Variants in MECOM observed in about 807,000 individuals in gnomAD.
MECOM encodes histone-lysine N-methyltransferase MECOM.
In MECOM, 13 loss-of-function variants were observed where a neutral mutation model predicts 116.3. The ratio of observed to expected loss-of-function variants is 0.11; its 90% CI spans 0.07 to 0.18. The LOEUF (loss-of-function observed/expected upper bound fraction) is 0.18, where lower values mean the gene tolerates loss of function less well. Among genes scored for constraint, MECOM ranks in the 10% least tolerant of loss-of-function variants. MECOM has a pLI of 1.00. For missense variants in MECOM, 1,299 were observed against 1,509.0 expected (o/e 0.86, Z 2.31); for synonymous variants, 528 against 535.2 (o/e 0.99, Z 0.19).
At position 169,084,686 on chromosome 3, in the gene MECOM, A is replaced by C; in HGVS notation, c.*223T>G. 2.1e-6 allele frequency: 1 copy of C among 475,304 alleles called. No homozygotes were observed. Among genetic ancestry groups the C allele is most frequent in the East Asian group, 3.4e-5 (1 of 29,778 alleles). 29.4% of individuals were successfully genotyped at this position (475,304 alleles called of 1,614,324 possible). On this transcript the variant is annotated 3_prime_UTR_variant, in exon 17 of 17. Coordinates refer to ENST00000651503, the MANE Select transcript of MECOM (RefSeq NM_004991.4). ...TAAGTCGCATTGATTGATCTTCCAG[A>C]AGTCAGCAGCTGCCTTTGCTGTGCA...
intron 2 of MECOM, among the ~76,000 whole-genome samples, chr3:169,314,145 C>G (rs1052461784): frequency 6.6e-6 from 1 of 152,228 alleles, no homozygotes; most frequent in Non-Finnish European, 1.5e-5. Context: ...GTCTTCTTCA[C>G]AAGGTCAGCT....
At chr3:169,295,008 CTTAGTT>C (rs887093682) in intron 2 of MECOM, among the ~76,000 whole-genome samples, 4 of 152,056 alleles carry the variant, frequency 2.6e-5, no homozygotes, top group Non-Finnish European at 4.4e-5. Context: ...TTTTCTATTG[CTTAGTT>C]TTCTTTATTT....
chr3:169,436,849 G>A (rs1578098114), intron 1 of MECOM, among the ~76,000 whole-genome samples: 2 of 151,930 alleles, frequency 1.3e-5, no homozygotes, highest in Admixed American at 6.6e-5. Flanking sequence ...AAGTTTTTAT[G>A]TTTTGACTAA....
At chr3:169,193,997 C>T (rs558693735) in intron 2 of MECOM, among the ~76,000 whole-genome samples, 2 of 152,068 alleles carry the variant, frequency 1.3e-5, no homozygotes, top group African/African-American at 4.8e-5. Context: ...AATACTAATA[C>T]TGTAATGACA....
intron 2 of MECOM, among the ~76,000 whole-genome samples, chr3:169,253,007 A>G (rs866045461): frequency 1.3e-5 from 2 of 152,194 alleles, no homozygotes; most frequent in Non-Finnish European, 2.9e-5. Context: ...ATATTTTTCT[A>G]TAAGATCCAT....
At chr3:169,547,646 C>T (rs1290618259) in intron 1 of MECOM, among the ~76,000 whole-genome samples, 1 of 152,080 alleles carries the variant, frequency 6.6e-6, no homozygotes, top group Non-Finnish European at 1.5e-5. Context: ...ATTCCCAGTA[C>T]CTGTGAATAT....
At chr3:169,346,205 G>A (rs1250724737) in intron 2 of MECOM, among the ~76,000 whole-genome samples, 1 of 152,012 alleles carries the variant, frequency 6.6e-6, no homozygotes, top group African/African-American at 2.4e-5. Flanking sequence ...GTAAAATCAG[G>A]ACTCTGCTTG....
At chr3:169,360,173 T>C (rs1727969744) in intron 2 of MECOM, among the ~76,000 whole-genome samples, 1 of 151,394 alleles carries the variant, frequency 6.6e-6, no homozygotes, top group Non-Finnish European at 1.5e-5. Context: ...GTTGGGCAGT[T>C]TGCCCTCCAT....
intron 2 of MECOM, among the ~76,000 whole-genome samples, chr3:169,237,612 A>C (rs1388326466): frequency 3.0e-4 from 8 of 26,982 alleles, no homozygotes; most frequent in Non-Finnish European, 5.0e-4. Context: ...CTCCATCACA[A>C]AAAAAAAAAA....
intron 1 of MECOM, among the ~76,000 whole-genome samples, chr3:169,549,602 G>A (rs780190291): frequency 2.0e-5 from 3 of 152,166 alleles, no homozygotes; most frequent in Admixed American, 2.0e-4. Context: ...GCCACAGCTT[G>A]CCCAGGATTT....
At chr3:169,096,852 C>T (rs1048025011) in intron 12 of MECOM, among the ~76,000 whole-genome samples, 7 of 152,066 alleles carry the variant, frequency 4.6e-5, no homozygotes, top group African/African-American at 1.7e-4. Flanking sequence ...TTTGATTTTT[C>T]CCCCTTAAAA....
intron 2 of MECOM, among the ~76,000 whole-genome samples, chr3:169,303,212 C>T (rs1717080480): frequency 6.6e-6 from 1 of 152,166 alleles, no homozygotes; most frequent in Non-Finnish European, 1.5e-5. Flanking sequence ...CATCAAAAGT[C>T]TAACTTCCCC....
intron 1 of MECOM, among the ~76,000 whole-genome samples, chr3:169,511,464 T>C (rs773471020): frequency 6.6e-6 from 1 of 152,188 alleles, no homozygotes; most frequent in Non-Finnish European, 1.5e-5. Flanking sequence ...TAAACCTTTT[T>C]TAAAAAGTAT....
intron 1 of MECOM, among the ~76,000 whole-genome samples, chr3:169,474,799 T>C (rs1750088968): frequency 7.0e-6 from 1 of 142,956 alleles, no homozygotes; most frequent in African/African-American, 2.7e-5. Context: ...AAGAGATAAC[T>C]GATATATATT....
chr3:169,226,611 A>T (rs1752756872), intron 2 of MECOM, among the ~76,000 whole-genome samples: 1 of 152,206 alleles, frequency 6.6e-6, no homozygotes, highest in South Asian at 2.1e-4. Context: ...TAAAACCAAC[A>T]CCATAACACG....
chr3:169,436,139 C>A (rs78635055), intron 1 of MECOM, among the ~76,000 whole-genome samples: 4,931 of 151,102 alleles, frequency 0.033, 196 homozygotes, highest in African/African-American at 0.092. Context: ...TTTGTATGCA[C>A]GTCTTTGTTT....
chr3:169,121,644 G>A (rs1465583143), intron 6 of MECOM, among the ~76,000 whole-genome samples: 2 of 151,946 alleles, frequency 1.3e-5, no homozygotes, highest in Non-Finnish European at 2.9e-5. Context: ...TTTCCCTAGG[G>A]CGTAAAATTC....
intron 2 of MECOM, among the ~76,000 whole-genome samples, chr3:169,215,391 A>C (rs1229497248): frequency 6.6e-6 from 1 of 152,110 alleles, no homozygotes; most frequent in East Asian, 1.9e-4. Context: ...TCCTTTTCTG[A>C]AATCCTCCAT....
chr3:169,436,549 C>T (rs551073123), intron 1 of MECOM, among the ~76,000 whole-genome samples: 1 of 152,090 alleles, frequency 6.6e-6, no homozygotes, highest in South Asian at 2.1e-4. Context: ...CGTGCCTGGC[C>T]CTAAATGGCT....
Sources: gnomAD v4.1 joint callset for allele counts (sites outside exome capture counted in the v4.1 genomes callset) on GRCh38, gnomAD v4.1.1 for gene constraint, MANE v1.5 for transcripts, NCBI Gene and HGNC (gene_info 2026-07-23, HGNC 2026-07-21) for gene names.